CCDC60: variants seen among roughly 807,000 people sequenced by gnomAD.
CCDC60 encodes the protein coiled-coil domain containing 60, also known as coiled-coil domain-containing protein 60.
CCDC60 carries 54 observed loss-of-function variants against 63.5 expected under a neutral mutation model. The ratio of observed to expected loss-of-function variants is 0.85; its 90% CI spans 0.68 to 1.07. The LOEUF (loss-of-function observed/expected upper bound fraction) is 1.07, where lower values mean the gene tolerates loss of function less well. Ranked by LOEUF, CCDC60 falls within the 50% of genes least tolerant of loss-of-function variation. The pLI is 0.00. For synonymous variants in CCDC60, 206 were observed against 238.8 expected (o/e 0.86, Z 1.27); for missense variants, 651 against 684.3 (o/e 0.95, Z 0.54).
chr12:119,512,830 C>T (rs915437827), intron 7 of CCDC60, among the ~76,000 whole-genome samples: 2 of 152,208 alleles, frequency 1.3e-5, no homozygotes, highest in African/African-American at 4.8e-5. Flanking sequence ...TTTGGTTGCT[C>T]ACGTTCCAGT....
chr12:119,378,509 T>C (rs1445896751), intron 1 of CCDC60, among the ~76,000 whole-genome samples: 1 of 152,196 alleles, frequency 6.6e-6, no homozygotes, highest in Non-Finnish European at 1.5e-5. Context: ...CCTCAATTAA[T>C]CTTTACAGCA....
chr12:119,390,386 A>G (rs1171386380), intron 1 of CCDC60, among the ~76,000 whole-genome samples: 1 of 152,178 alleles, frequency 6.6e-6, no homozygotes, highest in African/African-American at 2.4e-5. Flanking sequence ...TAATAACTAA[A>G]TAAATGTTTG....
intron 1 of CCDC60, among the ~76,000 whole-genome samples, chr12:119,345,228 G>A (rs532769538): frequency 6.6e-6 from 1 of 152,296 alleles, no homozygotes; most frequent in East Asian, 1.9e-4. Flanking sequence ...AGGAGGCTGG[G>A]CACGGTGGCT....
chr12:119,514,295 G>C (rs902762220), intron 7 of CCDC60, among the ~76,000 whole-genome samples: 15 of 151,044 alleles, frequency 9.9e-5, no homozygotes, highest in Non-Finnish European at 2.1e-4. Flanking sequence ...TCCTGCCTCA[G>C]CCTCCCAAGC....
chr12:119,437,261 G>A (rs1433596361), intron 2 of CCDC60, among the ~76,000 whole-genome samples: 1 of 152,116 alleles, frequency 6.6e-6, no homozygotes, highest in Non-Finnish European at 1.5e-5. Context: ...TTGAAACAAT[G>A]CAAGTTCGAT....
chr12:119,475,651 C>A (rs1951160471), intron 3 of CCDC60, among the ~76,000 whole-genome samples: 1 of 152,146 alleles, frequency 6.6e-6, no homozygotes, highest in Non-Finnish European at 1.5e-5. Flanking sequence ...AGTACACAAG[C>A]CTTGGAACCC....
At chr12:119,339,197 T>C (rs576074659) in intron 1 of CCDC60, among the ~76,000 whole-genome samples, 2 of 152,220 alleles carry the variant, frequency 1.3e-5, no homozygotes, top group Non-Finnish European at 2.9e-5. Flanking sequence ...GAGAAGCAGA[T>C]TGTGTATAGG....
chr12:119,415,405 A>G (rs1290453781), intron 1 of CCDC60, among the ~76,000 whole-genome samples: 1 of 152,246 alleles, frequency 6.6e-6, no homozygotes, highest in African/African-American at 2.4e-5. Flanking sequence ...AGATCAGGAC[A>G]GTGGAGCAAT....
intron 6 of CCDC60, among the ~76,000 whole-genome samples, chr12:119,504,462 G>A (rs17483409): frequency 0.082 from 12,517 of 151,994 alleles, 675 homozygotes; most frequent in Non-Finnish European, 0.12. Flanking sequence ...CACTACAACC[G>A]TGGCTCCTCC....
At chr12:119,398,115 A>AAGGGGGCGGTGGGGGGGGAGGG (rs1956313804) in intron 1 of CCDC60, among the ~76,000 whole-genome samples, 3 of 40,402 alleles carry the variant, frequency 7.4e-5, no homozygotes, top group African/African-American at 3.1e-4. Flanking sequence ...TGGGGGGAGG[A>AAGGGGGCGGTGGGGGGGGAGGG]AGGGGTGGCA....
At chr12:119,467,431 A>T (rs1450241955) in intron 2 of CCDC60, among the ~76,000 whole-genome samples, 1 of 152,238 alleles carries the variant, frequency 6.6e-6, no homozygotes, top group Non-Finnish European at 1.5e-5. Flanking sequence ...TTGGGAGGTG[A>T]TTAGCCTCCA....
intron 2 of CCDC60, among the ~76,000 whole-genome samples, chr12:119,432,843 A>G (rs1950255238): frequency 6.6e-6 from 1 of 152,258 alleles, no homozygotes; most frequent in Non-Finnish European, 1.5e-5. Flanking sequence ...AATTAATTAC[A>G]TGAATTTACA....
At chr12:119,495,211 G>T (rs1379973657) in intron 5 of CCDC60, among the ~76,000 whole-genome samples, 3 of 152,154 alleles carry the variant, frequency 2.0e-5, no homozygotes, top group Admixed American at 2.0e-4. Flanking sequence ...AAGTATGGGT[G>T]CTTCACCCCC....
intron 1 of CCDC60, among the ~76,000 whole-genome samples, chr12:119,394,532 T>A (rs1956216153): frequency 6.6e-6 from 1 of 152,160 alleles, no homozygotes; most frequent in East Asian, 1.9e-4. Context: ...AAAAGCACAG[T>A]TGCACTTTCT....
chr12:119,482,097 TACAC>T (rs1251628668), intron 4 of CCDC60, among the ~76,000 whole-genome samples: 3 of 144,852 alleles, frequency 2.1e-5, no homozygotes, highest in African/African-American at 7.7e-5. Context: ...TATATATATA[TACAC>T]ATATATACAC....
chr12:119,497,309 A>G (rs1428631349), intron 5 of CCDC60, among the ~76,000 whole-genome samples: 1 of 152,226 alleles, frequency 6.6e-6, no homozygotes, highest in Non-Finnish European at 1.5e-5. Flanking sequence ...TGGATGATGC[A>G]GCTTAGGTGG....
intron 1 of CCDC60, among the ~76,000 whole-genome samples, chr12:119,401,346 C>T (rs183729305): frequency 2.6e-5 from 4 of 152,352 alleles, no homozygotes; most frequent in Admixed American, 6.5e-5. Context: ...ATCCATCCAA[C>T]TGTCCATCCA....
chr12:119,534,688 C>T (rs912833206), intron 13 of CCDC60, among the ~76,000 whole-genome samples: 3 of 152,018 alleles, frequency 2.0e-5, no homozygotes, highest in East Asian at 1.9e-4. Context: ...TGGTTTTTGT[C>T]GATGGTTCTG....
chr12:119,466,079 C>A (rs1051832786), intron 2 of CCDC60, among the ~76,000 whole-genome samples: 4 of 152,204 alleles, frequency 2.6e-5, no homozygotes, highest in Non-Finnish European at 5.9e-5. Context: ...GAATACTCTT[C>A]CCCCAACAAG....
Sources: gnomAD v4.1 joint callset for allele counts (sites outside exome capture counted in the v4.1 genomes callset) on GRCh38, gnomAD v4.1.1 for gene constraint, MANE v1.5 for transcripts, NCBI Gene and HGNC (gene_info 2026-07-23, HGNC 2026-07-21) for gene names.